VIRMA: variants seen among roughly 807,000 people sequenced by gnomAD.
VIRMA encodes the protein protein virilizer homolog.
In VIRMA, 65 loss-of-function variants were observed where a neutral mutation model predicts 182.4. That is an observed-to-expected ratio of 0.36 (90% CI 0.29 to 0.44). The LOEUF (loss-of-function observed/expected upper bound fraction) is 0.44. VIRMA is among the 20% of genes least tolerant of loss of function. The pLI is 1.00. For missense variants in VIRMA, 1,752 were observed against 2,158.1 expected (o/e 0.81, Z 3.73); for synonymous variants, 709 against 743.1 (o/e 0.95, Z 0.75).
chr8:94,500,920 A>G lies in VIRMA; in HGVS notation c.4098-1414T>C, dbSNP rs972269697. Among the ~76,000 whole-genome samples the G allele has an allele frequency of 3.3e-5, 5 of 152,174 alleles. No homozygotes were observed. In the East Asian group the frequency reaches 9.6e-4, roughly 29 times the overall value. On this transcript the variant is annotated intron_variant, in intron 16 of 23. Transcript: ENST00000297591. ...AAACACATAGAACTGTACACCATAA[A>G]ACATAAATTTGACTAGATATAATTT...
intron 20 of VIRMA, 107 bp from the exon 21 acceptor site, chr8:94,492,925 A>G (rs1442449665): frequency 1.7e-5 from 16 of 932,954 alleles, no homozygotes; most frequent in Non-Finnish European, 2.5e-5. Flanking sequence ...CTCTCATAAG[A>G]AATAAATTAT....
intron 4 of VIRMA, 38 bp from the exon 5 acceptor site, chr8:94,535,045 C>A (rs1352615768): frequency 1.3e-6 from 2 of 1,547,906 alleles, no homozygotes; most frequent in South Asian, 1.2e-5. Context: ...CTTTCAAAGT[C>A]ATGTTTTAAA....
Position 94,527,186 on chromosome 8 carries a change from C to A in VIRMA, c.1058G>T (p.Cys353Phe), listed in dbSNP as rs1203888231. The A allele has an allele frequency of 1.2e-6, 2 of 1,613,998 alleles. No homozygotes were observed. ...AATTTCAAAAGTAGTCTTGTATGGA[C>A]AACTGAAGTATAAGAGTGGTACAAG... ...RELVPLLYFS[C>F]PYKTTFEIEI... Residue 353 changes from cysteine to phenylalanine, a missense_variant, in exon 8 of 24, where the codon TGT becomes TTT. Around this residue, in one of 11 missense-constraint regions of VIRMA, gnomAD observed 401 missense variants for 455.1 expected, o/e 0.88. Coordinates refer to ENST00000297591, the MANE Select transcript of VIRMA (RefSeq NM_015496.5).
chr8:94,513,390 C>T (rs985679566), intron 11 of VIRMA, among the ~76,000 whole-genome samples: 4 of 145,838 alleles, frequency 2.7e-5, no homozygotes, highest in Admixed American at 1.4e-4. Flanking sequence ...ATTCAAAAAA[C>T]GTTACTATCT....
chr8:94,500,965 G>C (rs1326425005), intron 16 of VIRMA, among the ~76,000 whole-genome samples: 1 of 151,968 alleles, frequency 6.6e-6, no homozygotes, highest in Non-Finnish European at 1.5e-5. Context: ...TCAACAAGGG[G>C]TTGGGCGCAG....
chr8:94,516,869 C>T (rs1383468004), intron 10 of VIRMA, among the ~76,000 whole-genome samples: 2 of 152,102 alleles, frequency 1.3e-5, no homozygotes, highest in Admixed American at 1.3e-4. Context: ...GAAGAGGCCA[C>T]ATGCTATTTT....
chr8:94,493,739 A>G (rs1406968533), intron 20 of VIRMA, among the ~76,000 whole-genome samples: 1 of 152,232 alleles, frequency 6.6e-6, no homozygotes, highest in African/African-American at 2.4e-5. Context: ...ACTAAATACA[A>G]ATGTGAAGCA....
chr8:94,550,650 T>C (rs1015686929), intron 1 of VIRMA, among the ~76,000 whole-genome samples: 5 of 152,076 alleles, frequency 3.3e-5, no homozygotes, highest in Admixed American at 1.3e-4. Flanking sequence ...ATCTTACTAA[T>C]TGTATGATTC....
intron 15 of VIRMA, among the ~76,000 whole-genome samples, chr8:94,507,849 C>T (rs1409926204): frequency 1.4e-5 from 2 of 141,424 alleles, no homozygotes; most frequent in East Asian, 2.1e-4. Context: ...CACAGTCTTT[C>T]AATCAAATAT....
chr8:94,528,997 T>C, intron 7 of VIRMA, 73 bp downstream of exon 7: 2 of 1,558,634 alleles, frequency 1.3e-6, no homozygotes, highest in Non-Finnish European at 1.7e-6. Context: ...TAGAAATTCT[T>C]TTGCATTTTT....
At chr8:94,490,954 C>A (rs1813586057) in intron 22 of VIRMA, among the ~76,000 whole-genome samples, 1 of 151,762 alleles carries the variant, frequency 6.6e-6, no homozygotes, top group African/African-American at 2.4e-5. Context: ...CTTAAGAAAA[C>A]TGTTAAGTAT....
chr8:94,506,741 A>G, intron 15 of VIRMA, 24 bp from the exon 16 acceptor site: 2 of 1,529,744 alleles, frequency 1.3e-6, no homozygotes, highest in Non-Finnish European at 1.8e-6. Flanking sequence ...GGAAAAAAAA[A>G]TCGATTTTTT....
chr8:94,515,406 C>A (rs896701044), intron 10 of VIRMA, among the ~76,000 whole-genome samples: 1 of 151,936 alleles, frequency 6.6e-6, no homozygotes, highest in Non-Finnish European at 1.5e-5. Flanking sequence ...GTTTTTCATT[C>A]TGTTGCCCAG....
chr8:94,533,614 C>CTTTCTT (rs1321714415), intron 5 of VIRMA: 16 of 119,516 alleles, frequency 1.3e-4, no homozygotes, highest in African/African-American at 4.8e-4. Flanking sequence ...CTAATTCTTT[C>CTTTCTT]TTTTTTTTTT....
chr8:94,536,579 T>C (rs1484985710), intron 4 of VIRMA, among the ~76,000 whole-genome samples: 1 of 152,250 alleles, frequency 6.6e-6, no homozygotes, highest in Non-Finnish European at 1.5e-5. Flanking sequence ...TGCTGGCCTC[T>C]TCTTGACTCG....
intron 2 of VIRMA, among the ~76,000 whole-genome samples, chr8:94,543,578 A>T (rs1022127939): frequency 3.3e-5 from 5 of 151,272 alleles, no homozygotes; most frequent in Non-Finnish European, 5.9e-5. Context: ...TAACACCATC[A>T]GTTAAAAAAA....
chr8:94,529,472 TACTC>T, intron 6 of VIRMA, 130 bp from the exon 7 acceptor site: 1 of 609,992 alleles, frequency 1.6e-6, no homozygotes, highest in Non-Finnish European at 2.9e-6. Context: ...AAAAAAGAAT[TACTC>T]ACTGTTTAAA....
intron 1 of VIRMA, among the ~76,000 whole-genome samples, chr8:94,545,469 A>C (rs1815726721): frequency 6.6e-6 from 1 of 152,210 alleles, no homozygotes; most frequent in Non-Finnish European, 1.5e-5. Flanking sequence ...TGTATATAAA[A>C]GAGTTTCTGT....
At chr8:94,524,019 G>A (rs527961271) in intron 8 of VIRMA, among the ~76,000 whole-genome samples, 4 of 144,362 alleles carry the variant, frequency 2.8e-5, no homozygotes, top group African/African-American at 1.0e-4. Context: ...ATTTTTTTGA[G>A]ACGGAGTTTC....
Sources: gnomAD v4.1 joint callset for allele counts (sites outside exome capture counted in the v4.1 genomes callset) on GRCh38, gnomAD v4.1.1 for gene constraint, gnomAD v4.1.1 regional missense constraint, MANE v1.5 for transcripts, NCBI Gene and HGNC (gene_info 2026-07-23, HGNC 2026-07-21) for gene names.